OXGR1: variants seen among roughly 807,000 people sequenced by gnomAD.
OXGR1 encodes 2-oxoglutarate receptor 1.
Under a neutral mutation model 10.0 loss-of-function variants are expected in OXGR1, and 10 were observed. That is an observed-to-expected ratio of 1.00 (90% CI 0.62 to 1.70). OXGR1 has a LOEUF of 1.70. Ranked by LOEUF, OXGR1 falls within the 40% of genes most tolerant of loss-of-function variation. The probability of loss-of-function intolerance (pLI) is 0.00; values close to 1 mark genes in which losing one functional copy is unlikely to be tolerated. For synonymous variants in OXGR1, 191 were observed against 155.9 expected (o/e 1.22, Z -1.68); for missense variants, 398 against 407.6 (o/e 0.98, Z 0.20).
At position 96,987,595 on chromosome 13, in the gene OXGR1, T is replaced by G; in HGVS notation, c.165A>C (p.Ile55=). 1 of 1,614,124 alleles carries G rather than the reference T, an allele frequency of 6.2e-7. No individual in the cohort carries two copies. The highest frequency in any genetic ancestry group is 1.3e-5 in the African/African-American group (1 of 75,034). ...LVGFPGNAVV[I]STYIFKMRPW... Reference sequence around the variant, plus strand: ...GTCTCATTTTGAAAATGTAAGTGGATATCACTACTGCATTGCCTGGAAATC... The same window carrying G: ...GTCTCATTTTGAAAATGTAAGTGGAGATCACTACTGCATTGCCTGGAAATC... The change falls in exon 4 of 4, where the codon ATA becomes ATC. Residue 55 remains isoleucine (I), a synonymous_variant. Coordinates refer to ENST00000541038, the MANE Select transcript of OXGR1 (RefSeq NM_001346194.2).
Position 96,986,608 on chromosome 13 carries a change from C to G in OXGR1, c.*138G>C. On this transcript the variant is annotated 3_prime_UTR_variant, in exon 4 of 4. Coordinates refer to ENST00000541038, the MANE Select transcript of OXGR1 (RefSeq NM_001346194.2). ...AAGGGATTGCAAAGAACTAGAAGCT[C>G]TGCCCTGGCTTTGGCACATGATTAC... 1 of 866,998 alleles carries G rather than the reference C, an allele frequency of 1.2e-6. No homozygotes were observed. Among genetic ancestry groups the G allele is most frequent in the East Asian group, 2.6e-5 (1 of 39,004 alleles). 53.7% of individuals were successfully genotyped at this position (866,998 alleles called of 1,614,324 possible).
chr13:96,987,994 G>T (rs912698240), intron 3 of OXGR1, among the ~76,000 whole-genome samples, 161 bp from the exon 4 acceptor site: 1 of 152,150 alleles, frequency 6.6e-6, no homozygotes, highest in Non-Finnish European at 1.5e-5. Flanking sequence ...AAATGACTAT[G>T]AGGCAAGTTA....
chr13:96,986,092 C>A lies in OXGR1; in HGVS notation c.*654G>T, dbSNP rs970895202. 1 of 152,130 alleles carries A rather than the reference C, an allele frequency of 6.6e-6. No homozygotes were observed. Among genetic ancestry groups the A allele is most frequent in the African/African-American group, 2.4e-5 (1 of 41,410 alleles). 9.4% of individuals were successfully genotyped at this position (152,130 alleles called of 1,614,324 possible). On this transcript the variant is annotated 3_prime_UTR_variant, in exon 4 of 4. Transcript: ENST00000541038. ...ACATTCAATAAAAACTTTTTAACAA[C>A]AATAAAGACATAATACTCCAAATAT...
intron 3 of OXGR1, among the ~76,000 whole-genome samples, chr13:96,989,052 T>G (rs1237157721): frequency 6.6e-6 from 1 of 151,984 alleles, no homozygotes; most frequent in Non-Finnish European, 1.5e-5. Context: ...CTCATGGAGC[T>G]GTCAATAGTA....
upstream of OXGR1, chr13:96,994,614 G>T (rs1882227639): frequency 6.6e-6 from 1 of 152,310 alleles, no homozygotes; most frequent in Non-Finnish European, 1.5e-5. Flanking sequence ...AGCCCGGCGG[G>T]AGGGTTGTTG....
intron 3 of OXGR1, among the ~76,000 whole-genome samples, chr13:96,989,188 C>G (rs1881931800): frequency 6.6e-6 from 1 of 152,136 alleles, no homozygotes; most frequent in Admixed American, 6.5e-5. Context: ...ACTGAGATCA[C>G]AAGGGAAGGA....
Position 96,987,464 on chromosome 13 carries a change from C to A in OXGR1, c.296G>T (p.Trp99Leu), listed in dbSNP as rs1174120357. 1 of 1,614,154 alleles carries A rather than the reference C, an allele frequency of 6.2e-7. No homozygotes were observed. The highest frequency in any genetic ancestry group is 1.6e-4 in the Middle Eastern group (1 of 6,062). ...CTTACACATGAAATCTCCAAAGATC[C>A]AGTTTTCGCCACTGGCATAGTAGTG... ...LIHYYASGEN[W>L]IFGDFMCKFI... The change falls in exon 4 of 4, where the codon TGG becomes TTG. Residue 99 changes from tryptophan to leucine, a missense_variant. By Grantham distance (61) the Trp-to-Leu change is moderately conservative. Transcript: ENST00000541038.
At chr13:96,991,929 A>T (rs1383690934) in intron 2 of OXGR1, among the ~76,000 whole-genome samples, 1 of 152,208 alleles carries the variant, frequency 6.6e-6, no homozygotes, top group Non-Finnish European at 1.5e-5. Flanking sequence ...GTCATTTGCA[A>T]CCTCATGGGT....
intron 2 of OXGR1, among the ~76,000 whole-genome samples, chr13:96,990,946 C>CAAAAAAAAAAAAAAAAAAAAAAA (rs765856782): frequency 3.0e-4 from 29 of 97,164 alleles, no homozygotes; most frequent in African/African-American, 1.3e-3. Flanking sequence ...AAGACTCTTT[C>CAAAAAAAAAAAAAAAAAAAAAAA]AAAAAAAAAA....
In OXGR1 at chr13:96,987,816, C is replaced by G. The variant is rs1463538242; in HGVS notation, c.-57G>C. 2 of 1,510,772 alleles carry G rather than the reference C, an allele frequency of 1.3e-6. No individual in the cohort carries two copies. Among genetic ancestry groups the G allele is most frequent in the Admixed American group, 2.3e-5 (1 of 43,354 alleles). 93.6% of individuals were successfully genotyped at this position (1,510,772 alleles called of 1,614,324 possible). A position where few individuals can be genotyped will look rare whatever the true frequency, so the allele number is the denominator to read the frequency against. On this transcript the variant is annotated 5_prime_UTR_variant, in exon 4 of 4. Transcript: ENST00000541038. ...GAGAGTTCAGTTTGGCAATATGAATCAAATGAGCAGTAACTCGCTGATAAA... is the reference window on the plus strand; with the variant it reads ...GAGAGTTCAGTTTGGCAATATGAATGAAATGAGCAGTAACTCGCTGATAAA...
Position 96,987,148 on chromosome 13 carries a change from T to G in OXGR1, c.612A>C (p.Ala204=). ...TIKWYNLILT[A]TTFCLPLVIV... is the part of the protein sequence containing the mutation. ...TCACCAAGGGGAGGCAGAAAGTAGT[T>G]GCAGTCAAAATCAGGTTGTACCACT... The change falls in exon 4 of 4, where the codon GCA becomes GCC. Residue 204 remains alanine, a synonymous_variant. Transcript: ENST00000541038. 1 of 1,614,182 alleles carries G rather than the reference T, an allele frequency of 6.2e-7. No homozygotes were observed. Among genetic ancestry groups the G allele is most frequent in the Non-Finnish European group, 8.5e-7 (1 of 1,180,026 alleles).
Position 96,986,534 on chromosome 13 carries a change from G to T in OXGR1, c.*212C>A, listed in dbSNP as rs1300836536. ...TAATACTATGTCTGAATACTTTGCT[G>T]ATATACATGCATCCCATTCTTATAT... is the stretch of plus-strand genomic sequence containing the variant. On this transcript the variant is annotated 3_prime_UTR_variant, in exon 4 of 4. Transcript: ENST00000541038. The T allele has an allele frequency of 3.6e-6, 2 of 558,206 alleles. No homozygotes were observed. Among genetic ancestry groups the T allele is most frequent in the Non-Finnish European group, 6.3e-6 (2 of 316,392 alleles). The allele number at this position is 558,206 out of a possible 1,614,324, so 34.6% of individuals were successfully genotyped here.
chr13:96,987,620 C>G lies in OXGR1; in HGVS notation c.140G>C (p.Gly47Ala). The G allele has an allele frequency of 6.2e-7, 1 of 1,614,068 alleles. No homozygotes were observed. Among genetic ancestry groups the G allele is most frequent in the Non-Finnish European group, 8.5e-7 (1 of 1,180,024 alleles). The change falls in exon 4 of 4, where the codon GGA becomes GCA. Residue 47 changes from glycine to alanine, a missense_variant. Coordinates refer to ENST00000541038, the MANE Select transcript of OXGR1 (RefSeq NM_001346194.2). ...PVIYGIIFLV[G>A]FPGNAVVIST... ...TATCACTACTGCATTGCCTGGAAATCCCACGAGGAAGATAATGCCATAAAT... is the reference window on the plus strand; with the variant it reads ...TATCACTACTGCATTGCCTGGAAATGCCACGAGGAAGATAATGCCATAAAT...
intron 1 of OXGR1, among the ~76,000 whole-genome samples, chr13:96,992,959 C>G (rs61528018): frequency 0.087 from 13,240 of 152,202 alleles, 1,916 homozygotes; most frequent in African/African-American, 0.3. Flanking sequence ...AAGCTGGGGT[C>G]ACTTTGGGTT....
At position 96,987,074 on chromosome 13, in the gene OXGR1, A is replaced by C. The variant is rs1006829343; in HGVS notation, c.686T>G (p.Leu229Arg). The stretch of plus-strand genomic sequence containing the variant: ...CTGCTTAAGGCAGCTGTCAGTTTGC[A>C]GTCCATGGGTCAGAGTGTGGATAAT... ...TTIIHTLTHGLQTDSCLKQKA... is the reference protein window; with the variant it reads ...TTIIHTLTHGRQTDSCLKQKA... The change falls in exon 4 of 4, where the codon CTG becomes CGG. Residue 229 changes from leucine (L) to arginine (R), a missense_variant. Coordinates refer to ENST00000541038, the MANE Select transcript of OXGR1 (RefSeq NM_001346194.2). 3.1e-6 allele frequency: 5 copies of C among 1,614,126 alleles called. No individual in the cohort carries two copies. The highest frequency in any genetic ancestry group is 4.5e-5 in the East Asian group (2 of 44,904).
intron 1 of OXGR1, among the ~76,000 whole-genome samples, chr13:96,992,822 G>C (rs1440842125): frequency 1.3e-5 from 2 of 152,066 alleles, no homozygotes; most frequent in East Asian, 3.9e-4. Flanking sequence ...GGTTTTTCTG[G>C]TTCTGCTCCC....
rs1170519396 is a variant in OXGR1 at position 96,987,224 on chromosome 13, T to C, written c.536A>G (p.Asn179Ser). The part of the protein sequence containing the change: ...TFLITSTNRT[N>S]RSACLDLTSS... ...GGTGAGGTCGAGACAGGCTGATCTG[T>C]TGGTCCTGTTGGTTGATGTGATCAA... Residue 179 changes from asparagine to serine, a missense_variant, in exon 4 of 4, where the codon AAC (asparagine) becomes AGC (serine). Coordinates refer to ENST00000541038, the MANE Select transcript of OXGR1 (RefSeq NM_001346194.2). 2 of 1,614,070 alleles carry C rather than the reference T, an allele frequency of 1.2e-6. No individual in the cohort carries two copies. Among genetic ancestry groups the C allele is most frequent in the Admixed American group, 3.3e-5 (2 of 60,010 alleles).
At chr13:96,990,930 C>G (rs931681485) in intron 2 of OXGR1, among the ~76,000 whole-genome samples, 4 of 103,394 alleles carry the variant, frequency 3.9e-5, no homozygotes, top group African/African-American at 2.0e-4. Context: ...GCCTGAGTGA[C>G]ACAGCAAGAC....
chr13:96,987,674 A>G lies in OXGR1; in HGVS notation c.86T>C (p.Ile29Thr), dbSNP rs1881845134. 1 of 1,614,134 alleles carries G rather than the reference A, an allele frequency of 6.2e-7. No homozygotes were observed. The highest frequency in any genetic ancestry group is 8.5e-7 in the Non-Finnish European group (1 of 1,180,004). Reference sequence around the variant, plus strand: ...AGGGAGGTAGTGCATCTTGAGTGGGATGTTTTCATCAGTGCAATTTCCAAA... The same window carrying G: ...AGGGAGGTAGTGCATCTTGAGTGGGGTGTTTTCATCAGTGCAATTTCCAAA... ...AAFGNCTDENIPLKMHYLPVI... is the reference protein window; with the variant it reads ...AAFGNCTDENTPLKMHYLPVI... The change falls in exon 4 of 4, where the codon ATC (isoleucine) becomes ACC (threonine). Residue 29 changes from isoleucine to threonine, a missense_variant. Physicochemically the swap from Ile to Thr is moderately conservative, Grantham distance 89 (BLOSUM62 -1). Coordinates refer to ENST00000541038, the MANE Select transcript of OXGR1 (RefSeq NM_001346194.2).
Sources: allele counts gnomAD v4.1 joint callset (sites outside exome capture counted in the v4.1 genomes callset), GRCh38; gene constraint gnomAD v4.1.1; transcripts MANE v1.5; gene names NCBI Gene and HGNC (gene_info 2026-07-23, HGNC 2026-07-21).